GRHL2: variants seen among roughly 807,000 people sequenced by gnomAD.
The protein encoded by GRHL2 is grainyhead like transcription factor 2.
Under a neutral mutation model 83.8 loss-of-function variants are expected in GRHL2, and 21 were observed. That is an observed-to-expected ratio of 0.25 (90% CI 0.18 to 0.36). GRHL2 has a LOEUF of 0.36. Among genes scored for constraint, GRHL2 ranks in the 10% least tolerant of loss-of-function variants. The probability of loss-of-function intolerance (pLI) is 1.00; values close to 1 mark genes in which losing one functional copy is unlikely to be tolerated. For missense variants in GRHL2, 623 were observed against 781.8 expected, an observed-to-expected ratio of 0.80 and a Z score of 2.42; for synonymous variants, 280 against 278.9, an observed-to-expected ratio of 1.00 and a Z score of -0.04.
intron 1 of GRHL2, among the ~76,000 whole-genome samples, chr8:101,494,715 G>A (rs1027681553): frequency 1.3e-5 from 2 of 152,082 alleles, no homozygotes; most frequent in Non-Finnish European, 1.5e-5. Flanking sequence ...AAAACGGGTC[G>A]GTCTTTATTT....
the GRHL2 span, among the ~76,000 whole-genome samples, chr8:101,675,766 G>A: frequency 0.12 from 17,444 of 151,576 alleles, 1,100 homozygotes; most frequent in South Asian, 0.2. Flanking sequence ...ATCCTAAGCC[G>A]AAAGAACAAA....
downstream of GRHL2, among the ~76,000 whole-genome samples, chr8:101,670,693 G>T (rs914212900): frequency 2.6e-5 from 4 of 152,234 alleles, no homozygotes; most frequent in Non-Finnish European, 5.9e-5. Context: ...CCCTTGGCCT[G>T]TGGCAGCCAC....
At chr8:101,584,030 CA>C (rs1812112592) in intron 7 of GRHL2, among the ~76,000 whole-genome samples, 1 of 152,134 alleles carries the variant, frequency 6.6e-6, no homozygotes, top group Non-Finnish European at 1.5e-5. Context: ...CAAACACATC[CA>C]AATAAACATC....
intron 8 of GRHL2, among the ~76,000 whole-genome samples, chr8:101,618,340 A>T (rs1236040091): frequency 5.3e-5 from 8 of 152,056 alleles, no homozygotes; most frequent in African/African-American, 1.9e-4. Flanking sequence ...AATTTCCTGG[A>T]GTTTCCATTT....
At chr8:101,562,434 T>G (rs570748762) in intron 4 of GRHL2, 5 of 485,954 alleles carry the variant, frequency 1.0e-5, no homozygotes, top group Non-Finnish European at 1.8e-5. Flanking sequence ...ACAAACGTCA[T>G]GCCGTGGCCA....
intron 8 of GRHL2, among the ~76,000 whole-genome samples, chr8:101,617,680 C>CT (rs1812883345): frequency 6.6e-6 from 1 of 152,030 alleles, no homozygotes; most frequent in South Asian, 2.1e-4. Flanking sequence ...AATTTTTAAA[C>CT]TTTTTGTAGA....
chr8:101,603,554 G>T (rs779586712), intron 8 of GRHL2, among the ~76,000 whole-genome samples: 1 of 152,180 alleles, frequency 6.6e-6, no homozygotes, highest in Non-Finnish European at 1.5e-5. Context: ...GAAAACGTTT[G>T]GCCAGGGAAG....
intron 4 of GRHL2, among the ~76,000 whole-genome samples, chr8:101,566,645 C>G (rs908692787): frequency 1.3e-5 from 2 of 148,184 alleles, no homozygotes; most frequent in East Asian, 3.9e-4. Context: ...TCTAACTGCC[C>G]GATTGATTTT....
At position 101,492,551 on chromosome 8, in the gene GRHL2, G is replaced by A; in HGVS notation, c.-219G>A. On this transcript the variant is annotated 5_prime_UTR_variant, in exon 1 of 16. In the 5' UTR this introduces an upstream ATG that the reference lacks. Coordinates refer to ENST00000646743, the MANE Select transcript of GRHL2 (RefSeq NM_024915.4). ...GGCCGCCTCCGAGCTCGGGCCCCAT[G>A]TGAGGGGCCCCCCCTTATCCCACCT... 1 of 640,112 alleles carries A rather than the reference G, an allele frequency of 1.6e-6. No individual in the cohort carries two copies. The highest frequency in any genetic ancestry group is 2.8e-6 in the Non-Finnish European group (1 of 352,320). The allele number at this position is 640,112 out of a possible 1,614,324, so 39.7% of individuals were successfully genotyped here.
intron 7 of GRHL2, among the ~76,000 whole-genome samples, chr8:101,579,382 A>C (rs538743711): frequency 6.6e-6 from 1 of 152,114 alleles, no homozygotes; most frequent in Non-Finnish European, 1.5e-5. Flanking sequence ...AAAACTTCAG[A>C]TCTTCTTATC....
intron 1 of GRHL2, chr8:101,542,712 T>C (rs1811180329): frequency 4.4e-6 from 2 of 456,222 alleles, no homozygotes; most frequent in Admixed American, 4.7e-5. Context: ...CTCACAATTC[T>C]GGAGGCCCAG....
intron 7 of GRHL2, among the ~76,000 whole-genome samples, chr8:101,594,399 T>C (rs569115564): frequency 6.6e-6 from 1 of 152,310 alleles, no homozygotes; most frequent in Admixed American, 6.5e-5. Flanking sequence ...AGGAAATAAG[T>C]TGAGGAAGGC....
intron 3 of GRHL2, among the ~76,000 whole-genome samples, chr8:101,554,403 GC>G (rs1811450380): frequency 6.6e-6 from 1 of 152,194 alleles, no homozygotes. Flanking sequence ...ACAAGTTTAA[GC>G]CATGTGCTCT....
At chr8:101,644,688 A>G (rs1813473396) in intron 13 of GRHL2, among the ~76,000 whole-genome samples, 1 of 152,158 alleles carries the variant, frequency 6.6e-6, no homozygotes, top group Non-Finnish European at 1.5e-5. Context: ...GTAAGAAACA[A>G]AGCTTGACTG....
At chr8:101,633,651 T>C (rs1813230638) in intron 11 of GRHL2, among the ~76,000 whole-genome samples, 1 of 152,190 alleles carries the variant, frequency 6.6e-6, no homozygotes, top group Admixed American at 6.5e-5. Context: ...CATCCAGTCT[T>C]ACTTGTTGGA....
chr8:101,524,612 T>C (rs571320622), intron 1 of GRHL2, among the ~76,000 whole-genome samples: 1 of 152,348 alleles, frequency 6.6e-6, no homozygotes, highest in East Asian at 1.9e-4. Flanking sequence ...TATGTTATAA[T>C]TTCAAAACAT....
rs113141118 is a variant in GRHL2 at position 101,637,073 on chromosome 8, G to C, written c.1517+145G>C. The C allele has an allele frequency of 1.7e-3, 1,338 of 801,612 alleles. 12 individuals carry two copies. The African/African-American group carries it at 0.019, about 11-fold the overall frequency. The allele number at this position is 801,612 out of a possible 1,614,324, so 49.7% of individuals were successfully genotyped here. A position where few individuals can be genotyped will look rare whatever the true frequency, so the allele number is the denominator to read the frequency against. On this transcript the variant is annotated intron_variant, in intron 12 of 15. Transcript: ENST00000646743. ...AGAGCTGAGAGACGCTTGATTCTGGGGACCATCTGGGAGGGAGGCTGGGGG... is the reference window on the plus strand; with the variant it reads ...AGAGCTGAGAGACGCTTGATTCTGGCGACCATCTGGGAGGGAGGCTGGGGG...
intron 1 of GRHL2, among the ~76,000 whole-genome samples, chr8:101,520,853 C>G (rs971536573): frequency 6.6e-6 from 1 of 152,100 alleles, no homozygotes; most frequent in Non-Finnish European, 1.5e-5. Context: ...CCTCAGGGAC[C>G]TTGCACATGC....
At position 101,666,760 on chromosome 8, in the gene GRHL2, G is replaced by C. The variant is rs1354850502; in HGVS notation, c.*57G>C. 2.9e-6 allele frequency: 3 copies of C among 1,023,598 alleles called. No individual in the cohort carries two copies. The highest frequency in any genetic ancestry group is 4.7e-6 in the Non-Finnish European group (3 of 645,028). 63.4% of individuals were successfully genotyped at this position (1,023,598 alleles called of 1,614,324 possible). A position where few individuals can be genotyped will look rare whatever the true frequency, so the allele number is the denominator to read the frequency against. On this transcript the variant is annotated 3_prime_UTR_variant, in exon 16 of 16. Coordinates refer to ENST00000646743, the MANE Select transcript of GRHL2 (RefSeq NM_024915.4). ...TCTCAGTGCGTTCCTCCCTGAGAGA[G>C]ACAGAAGCCCCAGCCCCAGAACCTG...
Sources: allele counts gnomAD v4.1 joint callset (sites outside exome capture counted in the v4.1 genomes callset), GRCh38; gene constraint gnomAD v4.1.1; transcripts MANE v1.5; gene names NCBI Gene and HGNC (gene_info 2026-07-23, HGNC 2026-07-21).